ARHGAP6: variants seen among roughly 807,000 people sequenced by gnomAD.
The protein encoded by ARHGAP6 is rho GTPase-activating protein 6.
In ARHGAP6, 16 loss-of-function variants were observed where a neutral mutation model predicts 55.7. That is an observed-to-expected ratio of 0.29 (90% CI 0.19 to 0.44). ARHGAP6 has a LOEUF of 0.44. ARHGAP6 is among the 20% of genes least tolerant of loss of function. ARHGAP6 has a pLI of 1.00. For synonymous variants in ARHGAP6, 382 were observed against 360.9 expected, an observed-to-expected ratio of 1.06 and a Z score of -0.66; for missense variants, 698 against 808.9, an observed-to-expected ratio of 0.86 and a Z score of 1.66.
intron 1 of ARHGAP6, among the ~76,000 whole-genome samples, chrX:11,630,752 G>A (rs1019966153): frequency 1.8e-5 from 2 of 111,826 alleles, no homozygotes; most frequent in African/African-American, 3.3e-5. Context: ...CAATGTTAAC[G>A]ACATTCTTCC....
At chrX:11,238,307 T>C (rs991983109) in intron 2 of ARHGAP6, among the ~76,000 whole-genome samples, 1 of 112,560 alleles carries the variant, frequency 8.9e-6, no homozygotes, top group Non-Finnish European at 1.9e-5. Flanking sequence ...CATATAATTA[T>C]CTTTCTACCA....
At chrX:11,314,496 A>C (rs998792885) in intron 1 of ARHGAP6, among the ~76,000 whole-genome samples, 4 of 112,612 alleles carry the variant, frequency 3.6e-5, no homozygotes, top group African/African-American at 1.3e-4. Flanking sequence ...ATAGATATCC[A>C]GTGTTCACTC....
chrX:11,354,332 T>C (rs1010351739), intron 1 of ARHGAP6, among the ~76,000 whole-genome samples: 3 of 67,062 alleles, frequency 4.5e-5, no homozygotes, highest in Middle Eastern at 7.2e-3. Flanking sequence ...TCTCTCTATA[T>C]ATATATATAT....
intron 1 of ARHGAP6, among the ~76,000 whole-genome samples, chrX:11,574,052 A>G (rs2051565373): frequency 9.0e-6 from 1 of 111,616 alleles, no homozygotes; most frequent in Admixed American, 9.5e-5. Context: ...GAATAGACCA[A>G]TAACAGGATC....
At chrX:11,403,027 G>T (rs914495117) in intron 1 of ARHGAP6, among the ~76,000 whole-genome samples, 1 of 112,182 alleles carries the variant, frequency 8.9e-6, no homozygotes, top group Non-Finnish European at 1.9e-5. Flanking sequence ...AATAGTTTGC[G>T]TTGGCTGCTC....
chrX:11,614,195 A>G (rs2052136418), intron 1 of ARHGAP6, among the ~76,000 whole-genome samples: 1 of 111,773 alleles, frequency 8.9e-6, no homozygotes, highest in Non-Finnish European at 1.9e-5. Context: ...ACCTCTCAGA[A>G]ACTCTTACTC....
chrX:11,589,586 A>G (rs1036984285), intron 1 of ARHGAP6, among the ~76,000 whole-genome samples: 14 of 109,470 alleles, frequency 1.3e-4, no homozygotes, highest in African/African-American at 3.6e-4. Flanking sequence ...CTTGTTTTCT[A>G]TAAAAACAGG....
At chrX:11,346,285 ATTCG>A (rs2048783108) in intron 1 of ARHGAP6, among the ~76,000 whole-genome samples, 1 of 111,708 alleles carries the variant, frequency 9.0e-6, no homozygotes, top group Non-Finnish European at 1.9e-5. Flanking sequence ...AGCCCAGTCC[ATTCG>A]TTTGCATATT....
intron 1 of ARHGAP6, among the ~76,000 whole-genome samples, chrX:11,502,605 C>A (rs113758532): frequency 0.09 from 10,015 of 111,594 alleles, 512 homozygotes; most frequent in East Asian, 0.18. Context: ...CCAACCCCTC[C>A]TCGACCTCCT....
chrX:11,239,709 G>A (rs759668624), intron 2 of ARHGAP6, among the ~76,000 whole-genome samples: 6 of 111,282 alleles, frequency 5.4e-5, no homozygotes, highest in Admixed American at 9.6e-5. Context: ...CATGAACACC[G>A]ATTATTTGAT....
chrX:11,543,219 T>C (rs1325564008), intron 1 of ARHGAP6, among the ~76,000 whole-genome samples: 1 of 112,883 alleles, frequency 8.9e-6, no homozygotes, highest in Non-Finnish European at 1.9e-5. Flanking sequence ...CTATGTAACC[T>C]CTCAGTTCAA....
intron 1 of ARHGAP6, among the ~76,000 whole-genome samples, chrX:11,442,969 C>T (rs773781550): frequency 1.8e-5 from 2 of 111,929 alleles, no homozygotes; most frequent in Non-Finnish European, 3.8e-5. Flanking sequence ...GTTTTTGAAA[C>T]TCTTTATTGA....
chrX:11,504,742 G>C (rs1315713538), intron 1 of ARHGAP6, among the ~76,000 whole-genome samples: 1 of 112,153 alleles, frequency 8.9e-6, no homozygotes, highest in Non-Finnish European at 1.9e-5. Flanking sequence ...GTTAAAGTCA[G>C]GGAATGGACA....
At chrX:11,179,270 G>T (rs200839840) in intron 7 of ARHGAP6, 32 bp downstream of exon 7, 19 of 1,154,310 alleles carry the variant, frequency 1.6e-5, no homozygotes, top group Middle Eastern at 4.8e-4. Flanking sequence ...GTATTCCAGG[G>T]CCACTTTCCC....
intron 1 of ARHGAP6, among the ~76,000 whole-genome samples, chrX:11,426,776 G>C (rs1036343582): frequency 1.5e-4 from 16 of 108,468 alleles, no homozygotes; most frequent in African/African-American, 5.0e-4. Context: ...CTAGTATCTG[G>C]ATTTGGTCGG....
chrX:11,547,213 C>T (rs2051220312), intron 1 of ARHGAP6, among the ~76,000 whole-genome samples: 1 of 112,308 alleles, frequency 8.9e-6, no homozygotes, highest in African/African-American at 3.2e-5. Flanking sequence ...CATAGCTTCC[C>T]TTTGTGGCAA....
chrX:11,442,864 G>A (rs1456612302), intron 1 of ARHGAP6, among the ~76,000 whole-genome samples: 1 of 112,124 alleles, frequency 8.9e-6, no homozygotes, highest in African/African-American at 3.2e-5. Flanking sequence ...GTTGTTTCAT[G>A]AGGGACATGT....
chrX:11,557,676 G>A (rs1438606356), intron 1 of ARHGAP6, among the ~76,000 whole-genome samples: 1 of 112,135 alleles, frequency 8.9e-6, no homozygotes. Flanking sequence ...AAAAAACCCT[G>A]TAAGCACAAA....
chrX:11,242,432 G>GA (rs1404826858), intron 2 of ARHGAP6, among the ~76,000 whole-genome samples: 1 of 111,282 alleles, frequency 9.0e-6, no homozygotes, highest in Non-Finnish European at 1.9e-5. Flanking sequence ...CAAGTTATAT[G>GA]ATTTTTTTTA....
Sources: allele counts gnomAD v4.1 joint callset (sites outside exome capture counted in the v4.1 genomes callset), GRCh38; gene constraint gnomAD v4.1.1; transcripts MANE v1.5; gene names NCBI Gene and HGNC (gene_info 2026-07-23, HGNC 2026-07-21).